Variants in RBFOX1 observed in about 807,000 individuals in gnomAD.
RBFOX1 encodes the protein RNA binding protein fox-1 homolog 1.
A neutral mutation model predicts 57.7 loss-of-function variants in RBFOX1; 8 were observed. That is an observed-to-expected ratio of 0.14 (90% CI 0.08 to 0.25). The LOEUF is 0.25. RBFOX1 is among the 10% of genes least tolerant of loss of function. The pLI is 1.00. For synonymous variants in RBFOX1, 326 were observed against 222.4 expected (o/e 1.47, Z -4.15); for missense variants, 611 against 548.5 (o/e 1.11, Z -1.14).
At chr16:6,943,128 C>T (rs1018098675) in intron 3 of RBFOX1, among the ~76,000 whole-genome samples, 5 of 152,176 alleles carry the variant, frequency 3.3e-5, no homozygotes, top group Non-Finnish European at 5.9e-5. Context: ...CATTCCTTAG[C>T]TGCTGTAATA....
chr16:7,040,553 C>T (rs1176665743), intron 3 of RBFOX1, among the ~76,000 whole-genome samples: 25 of 150,708 alleles, frequency 1.7e-4, no homozygotes, highest in Admixed American at 1.6e-3. Flanking sequence ...AAACCTGCTT[C>T]TCTGTCCCTT....
At chr16:6,833,920 A>G (rs2092899725) in intron 3 of RBFOX1, among the ~76,000 whole-genome samples, 1 of 152,064 alleles carries the variant, frequency 6.6e-6, no homozygotes, top group Admixed American at 6.6e-5. Context: ...CAATCCACAG[A>G]TGAGTGTGTC....
intron 1 of RBFOX1, among the ~76,000 whole-genome samples, chr16:6,054,214 C>G (rs1395917053): frequency 1.3e-5 from 2 of 152,046 alleles, no homozygotes; most frequent in Non-Finnish European, 2.9e-5. Context: ...TCATCCTGCT[C>G]TGCTTATTAG....
intron 9 of RBFOX1, among the ~76,000 whole-genome samples, chr16:7,606,192 G>C (rs1049209074): frequency 6.9e-6 from 1 of 145,592 alleles, no homozygotes; most frequent in African/African-American, 2.5e-5. Flanking sequence ...CGTGATCTCA[G>C]CTCACTGCAA....
intron 4 of RBFOX1, among the ~76,000 whole-genome samples, chr16:7,359,810 C>G (rs1037304022): frequency 6.6e-6 from 1 of 152,036 alleles, no homozygotes; most frequent in Non-Finnish European, 1.5e-5. Context: ...TGGTGAAACC[C>G]CGTCTCTACT....
chr16:7,201,729 C>T (rs78092793), intron 4 of RBFOX1, among the ~76,000 whole-genome samples: 27,169 of 152,080 alleles, frequency 0.18, 2,639 homozygotes, highest in East Asian at 0.37. Flanking sequence ...TCCCAAAGTA[C>T]TGGGACTACA....
At position 7,533,983 on chromosome 16, in the gene RBFOX1, C is replaced by G. The variant is rs189481203; in HGVS notation, c.270+15594C>G. ...ATTTTAAAGATAAGGAAAAGAGACT[C>G]TAAACGGTTGTGTAAATTGTTCCAA... On this transcript the variant is annotated intron_variant, in intron 5 of 15. Coordinates refer to ENST00000550418, the MANE Select transcript of RBFOX1 (RefSeq NM_018723.4). Among the ~76,000 whole-genome samples the G allele has an allele frequency of 5.1e-4, 77 of 152,046 alleles. No individual in the cohort carries two copies. The East Asian group carries it at 0.014, about 27-fold the overall frequency.
At chr16:7,062,316 TCAAA>T (rs2054582970) in intron 4 of RBFOX1, among the ~76,000 whole-genome samples, 1 of 23,850 alleles carries the variant, frequency 4.2e-5, no homozygotes, top group African/African-American at 2.5e-4. Context: ...AGACTCCATC[TCAAA>T]AAAAAAAAAA....
rs188151385 is a variant in RBFOX1 at position 6,680,496 on chromosome 16, C to T, written c.-16+25846C>T. Among the ~76,000 whole-genome samples, 82 of 152,232 alleles carry T rather than the reference C, an allele frequency of 5.4e-4. No individual in the cohort carries two copies. The East Asian group carries it at 0.013, about 24-fold the overall frequency. ...GCCACGATGGTCTCGATCTCCTGAC[C>T]TCATGATCCGCCTGCCTCGGCCTCC... On this transcript the variant is annotated intron_variant, in intron 3 of 15. Coordinates refer to ENST00000550418, the MANE Select transcript of RBFOX1 (RefSeq NM_018723.4).
At chr16:5,768,544 C>G (rs1211535796) in intron 3 of RBFOX1, among the ~76,000 whole-genome samples, 1 of 152,088 alleles carries the variant, frequency 6.6e-6, no homozygotes, top group African/African-American at 2.4e-5. Flanking sequence ...TGTTTTCGGC[C>G]CACATGACAT....
chr16:7,636,056 C>T (rs973150326), intron 11 of RBFOX1, among the ~76,000 whole-genome samples: 12 of 152,250 alleles, frequency 7.9e-5, no homozygotes, highest in Admixed American at 4.6e-4. Context: ...GTGATCCACC[C>T]GCCTTGGCCG....
intron 2 of RBFOX1, among the ~76,000 whole-genome samples, chr16:6,384,569 A>G (rs1323986173): frequency 3.3e-5 from 5 of 152,148 alleles, no homozygotes; most frequent in African/African-American, 9.7e-5. Flanking sequence ...TCTATACCTT[A>G]TTATGGAATC....
At chr16:6,289,300 G>C (rs2077217338) in intron 1 of RBFOX1, among the ~76,000 whole-genome samples, 1 of 151,984 alleles carries the variant, frequency 6.6e-6, no homozygotes, top group African/African-American at 2.4e-5. Context: ...ATGGAAGGGT[G>C]GATATAGGTG....
intron 1 of RBFOX1, among the ~76,000 whole-genome samples, chr16:5,292,865 C>T (rs774357891): frequency 5.3e-4 from 81 of 152,162 alleles, no homozygotes; most frequent in Non-Finnish European, 9.6e-4. Context: ...CCTCGTGGTC[C>T]ATCCACCTCG....
At chr16:6,269,953 G>A (rs1054345109) in intron 1 of RBFOX1, among the ~76,000 whole-genome samples, 4 of 152,064 alleles carry the variant, frequency 2.6e-5, no homozygotes, top group African/African-American at 9.7e-5. Context: ...ATGGGGAGAG[G>A]AAGGGAACAT....
chr16:7,077,567 A>G (rs1294248193), intron 4 of RBFOX1, among the ~76,000 whole-genome samples: 21 of 152,324 alleles, frequency 1.4e-4, no homozygotes, highest in African/African-American at 4.8e-4. Flanking sequence ...TAGTACAATG[A>G]TGAAATTTGC....
At chr16:6,505,284 A>G (rs1053617192) in intron 2 of RBFOX1, among the ~76,000 whole-genome samples, 1 of 152,144 alleles carries the variant, frequency 6.6e-6, no homozygotes, top group Non-Finnish European at 1.5e-5. Flanking sequence ...AAGCTTGTAG[A>G]CATTCATTTT....
intron 3 of RBFOX1, among the ~76,000 whole-genome samples, chr16:5,807,335 T>G (rs2151767017): frequency 6.6e-6 from 1 of 152,278 alleles, no homozygotes; most frequent in African/African-American, 2.4e-5. Flanking sequence ...TAGTATTTCC[T>G]TCACAATCTT....
Position 7,304,549 on chromosome 16 carries a change from G to A in RBFOX1, c.28-213598G>A, listed in dbSNP as rs368662874. On this transcript the variant is annotated intron_variant, in intron 4 of 15. Coordinates refer to ENST00000550418, the MANE Select transcript of RBFOX1 (RefSeq NM_018723.4). ...GGCTGGGCCAGATGGGTCCCCGCGC[G>A]TACTGGGCTGCGCTTCGGTGCCTTA... The A allele has an allele frequency of 2.2e-5, 22 of 985,368 alleles. No homozygotes were observed. The East Asian group carries it at 1.0e-3, about 46-fold the overall frequency. 61.0% of individuals were successfully genotyped at this position (985,368 alleles called of 1,614,324 possible).
Sources: allele counts gnomAD v4.1 joint callset (sites outside exome capture counted in the v4.1 genomes callset), GRCh38; gene constraint gnomAD v4.1.1; transcripts MANE v1.5; gene names NCBI Gene and HGNC (gene_info 2026-07-23, HGNC 2026-07-21).